The following MDN1 variants were observed in gnomAD, a reference collection of about 807,000 sequenced individuals.
The protein encoded by MDN1 is midasin AAA ATPase 1, also known as midasin.
MDN1 carries 266 observed loss-of-function variants against 669.2 expected under a neutral mutation model. That is an observed-to-expected ratio of 0.40 (90% confidence interval 0.36 to 0.44). The LOEUF is 0.44. MDN1 is among the 20% of genes least tolerant of loss of function. The pLI, the probability that MDN1 is intolerant of heterozygous loss-of-function variation, is 1.00. For missense variants in MDN1, 5,940 were observed against 6,754.0 expected (o/e 0.88, Z 4.22); for synonymous variants, 2,385 against 2,457.1 (o/e 0.97, Z 0.87).
At chr6:89,806,736 T>TA (rs1768050557) in intron 1 of MDN1, among the ~76,000 whole-genome samples, 1 of 151,460 alleles carries the variant, frequency 6.6e-6, no homozygotes, top group Non-Finnish European at 1.5e-5. Flanking sequence ...AAAAAATTTT[T>TA]AAAAAAAGCT....
intron 15 of MDN1, among the ~76,000 whole-genome samples, chr6:89,763,349 A>AAAAAAAAAC (rs1562193868): frequency 2.2e-5 from 3 of 139,294 alleles, no homozygotes; most frequent in African/African-American, 2.7e-5. Flanking sequence ...AAAAAAAAAA[A>AAAAAAAAAC]AAAAAAAATC....
At chr6:89,815,348 C>T (rs1489889352) in intron 1 of MDN1, 10 of 466,530 alleles carry the variant, frequency 2.1e-5, no homozygotes, top group Middle Eastern at 3.9e-4. Context: ...GCCATTATGG[C>T]GGAAGAGAGT....
chr6:89,684,345 AAAAAC>A (rs1811856254), intron 71 of MDN1, among the ~76,000 whole-genome samples: 1 of 151,974 alleles, frequency 6.6e-6, no homozygotes, highest in African/African-American at 2.4e-5. Flanking sequence ...CTGGGTCTCA[AAAAAC>A]AAAAACAAAA....
Position 89,718,506 on chromosome 6 carries a change from C to G in MDN1, c.6443G>C (p.Ser2148Thr), listed in dbSNP as rs374399091. Reference sequence around the variant, plus strand: ...AGGCTTATATGTCAGAAGAAAATGACTCCAGGCTCGCAGCACTACTTCTGC... The same window carrying G: ...AGGCTTATATGTCAGAAGAAAATGAGTCCAGGCTCGCAGCACTACTTCTGC... ...DDAEVVLRAWSHFLLTYKPKC... is the reference protein window; with the variant it reads ...DDAEVVLRAWTHFLLTYKPKC... Residue 2148 changes from serine (S) to threonine (T), a missense_variant, in exon 43 of 102, where the codon AGT (serine) becomes ACT (threonine). Around this residue, in one of 5 missense-constraint regions of MDN1, gnomAD observed 2,292 missense variants for 2,638.3 expected, o/e 0.87. Coordinates refer to ENST00000369393, the MANE Select transcript of MDN1 (RefSeq NM_014611.3). The G allele has an allele frequency of 8.7e-6, 14 of 1,614,046 alleles. No individual in the cohort carries two copies. The highest frequency in any genetic ancestry group is 1.2e-5 in the Non-Finnish European group (14 of 1,180,028).
rs191372897 is a variant in MDN1 at position 89,670,331 on chromosome 6, C to T, written c.13956+588G>A. Among the ~76,000 whole-genome samples, 546 of 150,846 alleles carry T rather than the reference C, an allele frequency of 3.6e-3. 8 individuals are homozygous for T. The East Asian group carries it at 0.04, about 11-fold the overall frequency. On this transcript the variant is annotated intron_variant, in intron 83 of 101. Coordinates refer to ENST00000369393, the MANE Select transcript of MDN1 (RefSeq NM_014611.3). ...CTGGGATTACAGGCACATGCCACCACGCCCAGCTAATTTTTGTATTTTTAG... is the reference window on the plus strand; with the variant it reads ...CTGGGATTACAGGCACATGCCACCATGCCCAGCTAATTTTTGTATTTTTAG...
At chr6:89,700,917 C>T (rs1813113978) in intron 55 of MDN1, 61 bp from the exon 56 acceptor site, 5 of 1,332,362 alleles carry the variant, frequency 3.8e-6, no homozygotes, top group Non-Finnish European at 5.3e-6. Context: ...TCTTTAGTAG[C>T]CTATACAGGT....
intron 44 of MDN1, 149 bp downstream of exon 44, chr6:89,716,501 G>A (rs961090943): frequency 2.0e-4 from 146 of 716,044 alleles, no homozygotes; most frequent in Admixed American, 4.6e-4. Context: ...GTTCACCACA[G>A]GGAGAAGTCT....
In MDN1 at chr6:89,677,664, G is replaced by A. The variant is rs1007934495; in HGVS notation, c.12445C>T (p.Arg4149Cys). 8.1e-6 allele frequency: 13 copies of A among 1,613,954 alleles called. No individual in the cohort carries two copies. In the African/African-American group the frequency reaches 9.3e-5, roughly 12 times the overall value. The change falls in exon 76 of 102, where the codon CGT (arginine) becomes TGT (cysteine). Residue 4149 changes from arginine (R) to cysteine (C), a missense_variant. Coordinates refer to ENST00000369393, the MANE Select transcript of MDN1 (RefSeq NM_014611.3). ...AGCATCTCTTGAGGGTTTTTTGAAC[G>A]GGCCCAAGCAAGACCTTTGCGATAC... Reference protein sequence around the residue: ...LSYRKGLAWARSKNPQEMLHL... With the variant: ...LSYRKGLAWACSKNPQEMLHL...
intron 49 of MDN1, 95 bp downstream of exon 49, chr6:89,711,939 AAC>A: frequency 9.0e-7 from 1 of 1,110,180 alleles, no homozygotes; most frequent in South Asian, 1.6e-5. Flanking sequence ...CTGTAATTTT[AAC>A]AGTGTAGTCA....
chr6:89,748,845 A>G (rs1320592588), intron 26 of MDN1, among the ~76,000 whole-genome samples: 2 of 151,964 alleles, frequency 1.3e-5, no homozygotes, highest in Non-Finnish European at 2.9e-5. Context: ...GGATCCCTTG[A>G]GCCCAGGAGT....
At chr6:89,708,280 G>A (rs534693977) in intron 51 of MDN1, among the ~76,000 whole-genome samples, 43 of 152,318 alleles carry the variant, frequency 2.8e-4, no homozygotes, top group African/African-American at 1.0e-3. Flanking sequence ...TCCAGCCTCA[G>A]TGACAGAGCT....
intron 55 of MDN1, among the ~76,000 whole-genome samples, chr6:89,701,130 C>A (rs886884990): frequency 2.0e-5 from 3 of 152,164 alleles, no homozygotes; most frequent in South Asian, 2.1e-4. Flanking sequence ...TTGTTATGTG[C>A]GGGTTCCGCA....
Position 89,726,541 on chromosome 6 carries a change from G to A in MDN1, c.5473-1145C>T, listed in dbSNP as rs531602613. On this transcript the variant is annotated intron_variant, in intron 37 of 101. Coordinates refer to ENST00000369393, the MANE Select transcript of MDN1 (RefSeq NM_014611.3). ...CATGTAACACTAATTGTAGAGAATA[G>A]ATAAGGTTTGTTAACTCTTTAAATA... Among the ~76,000 whole-genome samples the A allele has an allele frequency of 3.6e-4, 54 of 148,496 alleles. No individual in the cohort carries two copies. In the South Asian group the frequency reaches 0.011, roughly 31 times the overall value.
In MDN1 at chr6:89,700,257, T is replaced by C; in HGVS notation, c.8676A>G (p.Glu2892=). 1 of 1,614,220 alleles carries C rather than the reference T, an allele frequency of 6.2e-7. No individual in the cohort carries two copies. The highest frequency in any genetic ancestry group is 8.5e-7 in the Non-Finnish European group (1 of 1,180,032). The change falls in exon 57 of 102, where the codon GAA becomes GAG. Residue 2892 remains glutamate (E), a synonymous_variant. Coordinates refer to ENST00000369393, the MANE Select transcript of MDN1 (RefSeq NM_014611.3). ...CAAGTGAGAGTCCTTTGGCTTTCAG[T>C]TCTAAACACTGAGCATGCACAAAAT... is the stretch of plus-strand genomic sequence containing the variant. ...LKNFVHAQCL[E]LKAKGLSLGF...
Position 89,683,252 on chromosome 6 carries a change from C to G in MDN1, c.11982G>C (p.Lys3994Asn), listed in dbSNP as rs1042688100. 3 of 1,614,060 alleles carry G rather than the reference C, an allele frequency of 1.9e-6. No individual in the cohort carries two copies. In the African/African-American group the frequency reaches 4.0e-5, roughly 22 times the overall value. Residue 3994 changes from lysine to asparagine, a missense_variant, in exon 73 of 102, where the codon AAG (lysine) becomes AAC (asparagine). Physicochemically the swap from Lys to Asn is moderately conservative, Grantham distance 94 (BLOSUM62 0). This residue lies in a region of MDN1 where 2,280 missense variants were observed against 2,576.3 expected (regional missense o/e 0.88). Transcript: ENST00000369393. ...PCRSSLVESD[K>N]EEQPDFLPRP... ...TGGGCAAAAAGTCAGGCTGTTCTTC[C>G]TTGTCACTCTCCACCAGGGATGACC...
Position 89,672,531 on chromosome 6 carries a change from C to T in MDN1, c.13630+16G>A, listed in dbSNP as rs1810876867. 1.9e-6 allele frequency: 3 copies of T among 1,601,714 alleles called. No individual in the cohort carries two copies. The African/African-American group carries it at 4.0e-5, about 22-fold the overall frequency. ...AATCAGGCATGAAACTAATTTCTGC[C>T]TGATTTCAGACATACCATAATCTTC... is the stretch of plus-strand genomic sequence containing the variant. On this transcript the variant is annotated intron_variant, in intron 81 of 101. Transcript: ENST00000369393.
chr6:89,751,290 A>C, intron 23 of MDN1, 141 bp downstream of exon 23: 2 of 1,064,350 alleles, frequency 1.9e-6, no homozygotes, highest in Non-Finnish European at 2.6e-6. Context: ...AAAAAGTTAT[A>C]GTACTGACTT....
At position 89,779,857 on chromosome 6, in the gene MDN1, G is replaced by C. The variant is rs149927926; in HGVS notation, c.1725+355C>G. Among the ~76,000 whole-genome samples, 13 of 152,246 alleles carry C rather than the reference G, an allele frequency of 8.5e-5. No individual in the cohort carries two copies. In the East Asian group the frequency reaches 2.1e-3, roughly 25 times the overall value. On this transcript the variant is annotated intron_variant, in intron 11 of 101. Transcript: ENST00000369393. ...GACGTGGGTGGATCACTTGAGGTCA[G>C]GAGATCGAGACCAGCCTGGCCAACA...
In MDN1 at chr6:89,646,732, C is replaced by A; in HGVS notation, c.16396-129G>T. 4.2e-6 allele frequency: 3 copies of A among 714,890 alleles called. No individual in the cohort carries two copies. The South Asian group carries it at 5.2e-5, about 12-fold the overall frequency. The allele number at this position is 714,890 out of a possible 1,614,324, so 44.3% of individuals were successfully genotyped here. A position where few individuals can be genotyped will look rare whatever the true frequency, so the allele number is the denominator to read the frequency against. Reference sequence around the variant, plus strand: ...CCACCTCAGGTTTACAGACCATCAACTAACTGTCCCTTCTGGCCGTATGTA... The same window carrying A: ...CCACCTCAGGTTTACAGACCATCAAATAACTGTCCCTTCTGGCCGTATGTA... On this transcript the variant is annotated intron_variant, in intron 99 of 101. Coordinates refer to ENST00000369393, the MANE Select transcript of MDN1 (RefSeq NM_014611.3).
Sources: gnomAD v4.1 joint callset for allele counts (sites outside exome capture counted in the v4.1 genomes callset) on GRCh38, gnomAD v4.1.1 for gene constraint, gnomAD v4.1.1 regional missense constraint, MANE v1.5 for transcripts, NCBI Gene and HGNC (gene_info 2026-07-23, HGNC 2026-07-21) for gene names.